The following GRM7 variants were observed in gnomAD, a reference collection of about 807,000 sequenced individuals.
The protein encoded by GRM7 is metabotropic glutamate receptor 7.
Under a neutral mutation model 84.5 loss-of-function variants are expected in GRM7, and 35 were observed. That is an observed-to-expected ratio of 0.41 (90% CI 0.32 to 0.55). The LOEUF (loss-of-function observed/expected upper bound fraction) is 0.55. Among genes scored for constraint, GRM7 ranks in the 20% least tolerant of loss-of-function variants. The pLI, the probability that GRM7 is intolerant of heterozygous loss-of-function variation, is 0.19. For synonymous variants in GRM7, 487 were observed against 455.1 expected, an observed-to-expected ratio of 1.07 and a Z score of -0.89; for missense variants, 1,003 against 1,194.6, an observed-to-expected ratio of 0.84 and a Z score of 2.36.
intron 9 of GRM7, among the ~76,000 whole-genome samples, chr3:7,716,995 G>A (rs1452816855): frequency 1.3e-5 from 2 of 152,064 alleles, no homozygotes; most frequent in African/African-American, 4.8e-5. Context: ...TTGCTCAGGT[G>A]GGAATTCTGA....
At chr3:6,906,995 A>G (rs1696602619) in intron 1 of GRM7, among the ~76,000 whole-genome samples, 1 of 152,152 alleles carries the variant, frequency 6.6e-6, no homozygotes, top group South Asian at 2.1e-4. Context: ...ACACCTCCCA[A>G]TATTCCCTTA....
At chr3:7,051,007 C>T (rs1203993908) in intron 1 of GRM7, among the ~76,000 whole-genome samples, 1 of 151,736 alleles carries the variant, frequency 6.6e-6, no homozygotes, top group Non-Finnish European at 1.5e-5. Flanking sequence ...TTAGTTTGCT[C>T]ACTATTTTTA....
chr3:7,100,831 G>C (rs755711761), intron 1 of GRM7, among the ~76,000 whole-genome samples: 3 of 151,768 alleles, frequency 2.0e-5, no homozygotes, highest in African/African-American at 4.8e-5. Context: ...TTCTGACACT[G>C]TGATAGATTT....
At chr3:7,219,293 A>G (rs189305842) in intron 2 of GRM7, among the ~76,000 whole-genome samples, 14 of 152,246 alleles carry the variant, frequency 9.2e-5, no homozygotes, top group African/African-American at 3.4e-4. Context: ...ACTGAACGCT[A>G]CACCTGGGAG....
At chr3:7,504,127 G>A (rs1041091772) in intron 7 of GRM7, among the ~76,000 whole-genome samples, 24 of 152,074 alleles carry the variant, frequency 1.6e-4, no homozygotes, top group Admixed American at 1.4e-3. Flanking sequence ...AAATTTTGTG[G>A]TATAATACTT....
chr3:7,224,007 A>G (rs879756372), intron 2 of GRM7, among the ~76,000 whole-genome samples: 12 of 152,222 alleles, frequency 7.9e-5, no homozygotes. Context: ...CAAAATACCT[A>G]TTGGAAGTCT....
chr3:7,050,196 C>G (rs1696942991), intron 1 of GRM7, among the ~76,000 whole-genome samples: 1 of 151,994 alleles, frequency 6.6e-6, no homozygotes, highest in Admixed American at 6.6e-5. Context: ...ACATTCATAA[C>G]TTTGAAATTT....
chr3:7,682,541 C>T (rs892859105), intron 9 of GRM7, among the ~76,000 whole-genome samples: 25 of 84,126 alleles, frequency 3.0e-4, no homozygotes, highest in African/African-American at 1.5e-3. Context: ...TATTTTTGTA[C>T]ACACACACAC....
intron 1 of GRM7, among the ~76,000 whole-genome samples, chr3:6,980,283 G>A (rs920127482): frequency 6.6e-6 from 1 of 151,998 alleles, no homozygotes; most frequent in Non-Finnish European, 1.5e-5. Context: ...ATATTTTTGA[G>A]GCCATAGACC....
chr3:7,641,379 A>T (rs1257289247), intron 8 of GRM7, among the ~76,000 whole-genome samples: 1 of 152,212 alleles, frequency 6.6e-6, no homozygotes, highest in Non-Finnish European at 1.5e-5. Flanking sequence ...ATCCAAATCC[A>T]TATTATATGA....
intron 7 of GRM7, among the ~76,000 whole-genome samples, chr3:7,490,973 C>A (rs950390550): frequency 6.6e-6 from 1 of 151,778 alleles, no homozygotes; most frequent in Non-Finnish European, 1.5e-5. Context: ...TAGAAAAAAT[C>A]TGAAAATAAT....
At chr3:7,681,811 C>T (rs1283394244) in intron 9 of GRM7, 3 of 152,170 alleles carry the variant, frequency 2.0e-5, no homozygotes, top group Non-Finnish European at 2.9e-5. Flanking sequence ...TTTTCTAAAA[C>T]TCAACATAAT....
chr3:7,080,671 CAT>C (rs953545254), intron 1 of GRM7, among the ~76,000 whole-genome samples: 1 of 145,514 alleles, frequency 6.9e-6, no homozygotes, highest in Admixed American at 7.1e-5. Flanking sequence ...TAAACACGCA[CAT>C]GTGTGTATAT....
chr3:7,090,060 C>T (rs181120548), intron 1 of GRM7, among the ~76,000 whole-genome samples: 1 of 152,260 alleles, frequency 6.6e-6, no homozygotes, highest in African/African-American at 2.4e-5. Context: ...CCAGGCCAGT[C>T]TTGAACTCCT....
rs1318239963 is a variant in GRM7 at position 7,579,376 on chromosome 3, CATA to C, written c.2451+23_2451+25del. The C allele has an allele frequency of 1.4e-6, 2 of 1,382,824 alleles. No individual in the cohort carries two copies. Among genetic ancestry groups the C allele is most frequent in the Admixed American group, 4.5e-5 (2 of 44,122 alleles). 85.7% of individuals were successfully genotyped at this position (1,382,824 alleles called of 1,614,324 possible). A position where few individuals can be genotyped will look rare whatever the true frequency, so the allele number is the denominator to read the frequency against. The stretch of plus-strand genomic sequence containing the variant: ...GGAAAAGGTAAGTGAAAATGCACAT[CATA>C]ATATGTTTTTTAAAAATGTGTTCAT... On this transcript the variant is annotated intron_variant, in intron 8 of 9. Coordinates refer to ENST00000357716, the MANE Select transcript of GRM7 (RefSeq NM_000844.4).
intron 9 of GRM7, among the ~76,000 whole-genome samples, chr3:7,691,516 A>G (rs1486950440): frequency 6.6e-5 from 10 of 152,170 alleles, no homozygotes; most frequent in Non-Finnish European, 5.9e-5. Context: ...AATAAGATGG[A>G]AATAAGCTAA....
chr3:6,978,813 T>A (rs1466953871), intron 1 of GRM7, among the ~76,000 whole-genome samples: 1 of 152,200 alleles, frequency 6.6e-6, no homozygotes, highest in Non-Finnish European at 1.5e-5. Flanking sequence ...CAGGGACATG[T>A]GTCTGCTCTT....
intron 7 of GRM7, among the ~76,000 whole-genome samples, chr3:7,574,220 C>T (rs1288906368): frequency 6.7e-6 from 1 of 148,720 alleles, no homozygotes; most frequent in East Asian, 2.0e-4. Flanking sequence ...AGTGCAGAGG[C>T]ACAATAATGG....
rs180758674 is a variant in GRM7 at position 7,039,008 on chromosome 3, C to T, written c.520-107444C>T. On this transcript the variant is annotated intron_variant, in intron 1 of 9. Coordinates refer to ENST00000357716, the MANE Select transcript of GRM7 (RefSeq NM_000844.4). ...TCCCAGACCTACTGAATTTGAAACT[C>T]GGGGAGTGGAACCCTATGGTTCAAT... Among the ~76,000 whole-genome samples, 570 of 152,240 alleles carry T rather than the reference C, an allele frequency of 3.7e-3. 2 individuals are homozygous for T. Among genetic ancestry groups the T allele is most frequent in the African/African-American group, 0.013 (543 of 41,550 alleles).
Sources: gnomAD v4.1 joint callset for allele counts (sites outside exome capture counted in the v4.1 genomes callset) on GRCh38, gnomAD v4.1.1 for gene constraint, MANE v1.5 for transcripts, NCBI Gene and HGNC (gene_info 2026-07-23, HGNC 2026-07-21) for gene names.